Variants in HNMT observed in about 807,000 individuals in gnomAD.
HNMT encodes the protein histamine N-methyltransferase.
A neutral mutation model predicts 32.1 loss-of-function variants in HNMT; 30 were observed. The ratio of observed to expected loss-of-function variants is 0.93; its 90% CI spans 0.70 to 1.27. The LOEUF is 1.27. Among genes scored for constraint, HNMT ranks in the 50% most tolerant of loss-of-function variants. HNMT has a pLI of 0.00. For missense variants in HNMT, 327 were observed against 346.0 expected, an observed-to-expected ratio of 0.95 and a Z score of 0.43; for synonymous variants, 125 against 119.0, an observed-to-expected ratio of 1.05 and a Z score of -0.33.
intron 2 of HNMT, among the ~76,000 whole-genome samples, 175 bp from the exon 3 acceptor site, chr2:138,000,743 T>A (rs1305680687): frequency 6.6e-6 from 1 of 152,124 alleles, no homozygotes; most frequent in African/African-American, 2.4e-5. Flanking sequence ...GTCACATTAC[T>A]ATGCCTACTT....
In HNMT at chr2:137,964,565, A is replaced by G; in HGVS notation, c.74A>G (p.His25Arg). Residue 25 changes from histidine to arginine, a missense_variant, in exon 1 of 6, where the codon CAT (histidine) becomes CGT (arginine). His to Arg is a conservative substitution (Grantham distance 29, BLOSUM62 0). Transcript: ENST00000280097. ...YVESFRRFLN[H>R]STEHQCMQEF... ...GAATCTTTCCGGAGGTTTCTCAACCATTCCACGGAACACCAGTGCATGCAG... is the reference window on the plus strand; with the variant it reads ...GAATCTTTCCGGAGGTTTCTCAACCGTTCCACGGAACACCAGTGCATGCAG... The G allele has an allele frequency of 1.2e-6, 2 of 1,613,870 alleles. No homozygotes were observed. The highest frequency in any genetic ancestry group is 2.2e-5 in the East Asian group (1 of 44,866).
chr2:137,981,985 C>T (rs1264563314), intron 2 of HNMT, among the ~76,000 whole-genome samples: 1 of 152,128 alleles, frequency 6.6e-6, no homozygotes. Flanking sequence ...ACCCGAGTAG[C>T]TGAGATTACA....
chr2:137,995,815 C>T (rs764537535), intron 2 of HNMT, among the ~76,000 whole-genome samples: 1 of 152,072 alleles, frequency 6.6e-6, no homozygotes, highest in Non-Finnish European at 1.5e-5. Flanking sequence ...AAAAAATTAT[C>T]CACCACAATC....
intron 1 of HNMT, among the ~76,000 whole-genome samples, chr2:137,967,941 T>G (rs1359341184): frequency 6.6e-6 from 1 of 152,198 alleles, no homozygotes; most frequent in African/African-American, 2.4e-5. Context: ...GAGCCTTGGT[T>G]TTCTATTCAA....
chr2:138,007,513 G>C (rs4646330), intron 5 of HNMT, among the ~76,000 whole-genome samples: 32,353 of 151,860 alleles, frequency 0.21, 3,745 homozygotes, highest in South Asian at 0.3. Flanking sequence ...AACTCTTAAA[G>C]ATCCAGAGTA....
intron 5 of HNMT, among the ~76,000 whole-genome samples, chr2:138,007,278 C>A (rs1681356895): frequency 1.3e-5 from 2 of 151,898 alleles, no homozygotes; most frequent in African/African-American, 2.4e-5. Flanking sequence ...CTAAGAATGT[C>A]TTGGCTTTTT....
Position 137,964,634 on chromosome 2 carries a change from A to C in HNMT, c.137+6A>C. The C allele has an allele frequency of 1.9e-6, 3 of 1,613,682 alleles. No homozygotes were observed. In the African/African-American group the frequency reaches 4.0e-5, roughly 22 times the overall value. On this transcript the variant is annotated splice_donor_region_variant and intron_variant, in intron 1 of 5. Coordinates refer to ENST00000280097, the MANE Select transcript of HNMT (RefSeq NM_006895.3). Reference sequence around the variant, plus strand: ...CTGCCAGGCATAATAGGAAGGTAACAAAAGGGACGTTGTTGTCAAAGGGAC... The same window carrying C: ...CTGCCAGGCATAATAGGAAGGTAACCAAAGGGACGTTGTTGTCAAAGGGAC...
intron 2 of HNMT, among the ~76,000 whole-genome samples, chr2:137,998,987 T>C (rs997620473): frequency 6.6e-6 from 1 of 151,800 alleles, no homozygotes; most frequent in Non-Finnish European, 1.5e-5. Context: ...GTCTTAGTTG[T>C]CTTTTTTTCC....
At chr2:137,989,539 T>C (rs1453614747) in intron 2 of HNMT, among the ~76,000 whole-genome samples, 1 of 152,240 alleles carries the variant, frequency 6.6e-6, no homozygotes. Context: ...TTGGCAATTA[T>C]GAATAAAGCT....
chr2:137,975,808 A>T (rs557766747), intron 2 of HNMT, among the ~76,000 whole-genome samples: 1 of 152,306 alleles, frequency 6.6e-6, no homozygotes, highest in Non-Finnish European at 1.5e-5. Flanking sequence ...ACAAACTTAA[A>T]ATGTGTGAGA....
chr2:137,973,641 T>C (rs1309061830), intron 2 of HNMT, among the ~76,000 whole-genome samples: 1 of 152,198 alleles, frequency 6.6e-6, no homozygotes, highest in African/African-American at 2.4e-5. Flanking sequence ...ATGGCTTTGG[T>C]GCAAATATTC....
At chr2:137,992,559 T>C (rs1349364139) in intron 2 of HNMT, among the ~76,000 whole-genome samples, 1 of 152,062 alleles carries the variant, frequency 6.6e-6, no homozygotes, top group Non-Finnish European at 1.5e-5. Flanking sequence ...AGAACCTGCA[T>C]CTCCCTGGTC....
At chr2:137,988,539 T>A (rs1680719347) in intron 2 of HNMT, 1 of 130,250 alleles carries the variant, frequency 7.7e-6, no homozygotes, top group South Asian at 2.6e-4. Flanking sequence ...AGATCTGAAC[T>A]ATTGACCCCC....
intron 5 of HNMT, among the ~76,000 whole-genome samples, chr2:138,008,349 A>G (rs1225606122): frequency 6.6e-6 from 1 of 152,018 alleles, no homozygotes; most frequent in African/African-American, 2.4e-5. Flanking sequence ...ATAGTATTCC[A>G]TAGTGTATAT....
chr2:137,971,239 G>A (rs1004119687), intron 2 of HNMT, among the ~76,000 whole-genome samples: 10 of 151,846 alleles, frequency 6.6e-5, no homozygotes, highest in African/African-American at 2.4e-4. Context: ...ATGTGCAGTG[G>A]TGCAATCTTG....
intron 5 of HNMT, among the ~76,000 whole-genome samples, chr2:138,006,142 A>AT: frequency 6.6e-6 from 1 of 152,106 alleles, no homozygotes; most frequent in Admixed American, 6.6e-5. Context: ...TAGATATACT[A>AT]TTTTTATCTC....
At chr2:137,966,808 A>G (rs571571538) in intron 1 of HNMT, among the ~76,000 whole-genome samples, 249 of 152,268 alleles carry the variant, frequency 1.6e-3, no homozygotes, top group Non-Finnish European at 3.1e-3. Flanking sequence ...GGCCTGCTAT[A>G]CAACTATTAA....
At chr2:137,981,494 T>C (rs996023216) in intron 2 of HNMT, 33 of 890,996 alleles carry the variant, frequency 3.7e-5, no homozygotes, top group Non-Finnish European at 5.9e-5. Context: ...TTTGTTGCTT[T>C]GGTTTTCTCC....
At chr2:137,992,551 A>G (rs1025520537) in intron 2 of HNMT, among the ~76,000 whole-genome samples, 10 of 152,098 alleles carry the variant, frequency 6.6e-5, no homozygotes, top group Admixed American at 2.6e-4. Context: ...TCAGGGACAG[A>G]ACCTGCATCT....
Sources: gnomAD v4.1 joint callset for allele counts (sites outside exome capture counted in the v4.1 genomes callset) on GRCh38, gnomAD v4.1.1 for gene constraint, MANE v1.5 for transcripts, NCBI Gene and HGNC (gene_info 2026-07-23, HGNC 2026-07-21) for gene names.